The following NKX6-1 variants were observed in gnomAD, a reference collection of about 807,000 sequenced individuals.
NKX6-1 encodes the protein NK6 homeobox 1, also known as homeobox protein Nkx-6.1.
NKX6-1 carries 11 observed loss-of-function variants against 24.9 expected under a neutral mutation model. That is an observed-to-expected ratio of 0.44 (90% CI 0.28 to 0.73). The LOEUF is 0.73. Ranked by LOEUF, NKX6-1 falls within the 30% of genes least tolerant of loss-of-function variation. The pLI, the probability that NKX6-1 is intolerant of heterozygous loss-of-function variation, is 0.15. For synonymous variants in NKX6-1, 277 were observed against 242.9 expected (o/e 1.14, Z -1.31); for missense variants, 487 against 502.9 (o/e 0.97, Z 0.30).
At position 84,497,471 on chromosome 4, in the gene NKX6-1, G is replaced by A; in HGVS notation, c.670+88C>T. The A allele has an allele frequency of 8.0e-7, 1 of 1,247,154 alleles. No homozygotes were observed. The highest frequency in any genetic ancestry group is 4.2e-5 in the Admixed American group (1 of 23,704). The allele number at this position is 1,247,154 out of a possible 1,614,324, so 77.3% of individuals were successfully genotyped here. A position where few individuals can be genotyped will look rare whatever the true frequency, so the allele number is the denominator to read the frequency against. ...ACTGGGGCGGGCCACAGGATGGACT[G>A]AGCGGCATGCACACCAGGGGCCGCG... On this transcript the variant is annotated intron_variant, in intron 1 of 2. Coordinates refer to ENST00000295886, the MANE Select transcript of NKX6-1 (RefSeq NM_006168.3). The surrounding 1 kb of genome is among the most constrained non-coding windows in gnomAD (Gnocchi z 4.8).
At position 84,497,136 on chromosome 4, in the gene NKX6-1, G is replaced by C. The variant is rs78399275; in HGVS notation, c.670+423C>G. Among the ~76,000 whole-genome samples the C allele has an allele frequency of 6.6e-6, 1 of 152,162 alleles. No homozygotes were observed. Among genetic ancestry groups the C allele is most frequent in the Non-Finnish European group, 1.5e-5 (1 of 68,034 alleles). Reference sequence around the variant, plus strand: ...GCGAAGGCGGAATGGGGCGCTGGACGACAGGGAGGAGCCGGGAAAGCAGAG... The same window carrying C: ...GCGAAGGCGGAATGGGGCGCTGGACCACAGGGAGGAGCCGGGAAAGCAGAG... On this transcript the variant is annotated intron_variant, in intron 1 of 2. Transcript: ENST00000295886. This position sits in a 1 kb window ranked among gnomAD's most constrained non-coding sequence, Gnocchi z 4.8.
Position 84,497,536 on chromosome 4 carries a change from G to T in NKX6-1, c.670+23C>A. 8.0e-7 allele frequency: 1 copy of T among 1,253,764 alleles called. No individual in the cohort carries two copies. Among genetic ancestry groups the T allele is most frequent in the Non-Finnish European group, 1.0e-6 (1 of 991,526 alleles). 77.7% of individuals were successfully genotyped at this position (1,253,764 alleles called of 1,614,324 possible). ...AGAACAGGCACGGCAGGCAGGCATC[G>T]GGGCGCGGGTGGTAGTACTCACGAG... On this transcript the variant is annotated intron_variant, in intron 1 of 2. Coordinates refer to ENST00000295886, the MANE Select transcript of NKX6-1 (RefSeq NM_006168.3). The surrounding 1 kb of genome is among the most constrained non-coding windows in gnomAD (Gnocchi z 4.8).
chr4:84,493,406 A>T lies in NKX6-1; in HGVS notation c.987T>A (p.Pro329=). The T allele has an allele frequency of 6.2e-7, 1 of 1,614,158 alleles. No homozygotes were observed. Among genetic ancestry groups the T allele is most frequent in the Non-Finnish European group, 8.5e-7 (1 of 1,180,032 alleles). Residue 329 remains proline, a synonymous_variant, in exon 3 of 3, where the codon CCT becomes CCA. Transcript: ENST00000295886. The surrounding 1 kb of genome is among the most constrained non-coding windows in gnomAD (Gnocchi z 5.1). ...NEEEDDDYNK[P]LDPNSDDEKI... Reference sequence around the variant, plus strand: ...TCTCGTCGTCCGAGTTGGGATCCAGAGGCTTATTGTAGTCGTCGTCCTCTT... The same window carrying T: ...TCTCGTCGTCCGAGTTGGGATCCAGTGGCTTATTGTAGTCGTCGTCCTCTT...
chr4:84,497,978 C>T lies in NKX6-1; in HGVS notation c.251G>A (p.Gly84Asp), dbSNP rs754823729. 1.0e-5 allele frequency: 13 copies of T among 1,295,784 alleles called. No homozygotes were observed. The highest frequency in any genetic ancestry group is 1.2e-5 in the Non-Finnish European group (12 of 1,019,084). The allele number at this position is 1,295,784 out of a possible 1,614,324, so 80.3% of individuals were successfully genotyped here. A position where few individuals can be genotyped will look rare whatever the true frequency, so the allele number is the denominator to read the frequency against. Residue 84 changes from glycine (G) to aspartate (D), a missense_variant, in exon 1 of 3, where the codon GGC (glycine) becomes GAC (aspartate). Physicochemically the swap from Gly to Asp is moderately conservative, Grantham distance 94. Coordinates refer to ENST00000295886, the MANE Select transcript of NKX6-1 (RefSeq NM_006168.3). The surrounding 1 kb of genome is among the most constrained non-coding windows in gnomAD (Gnocchi z 4.8). The part of the protein sequence containing the change: ...PPATGGLSSL[G>D]SPPQQLSAAT... The stretch of plus-strand genomic sequence containing the variant: ...GGCCGAGAGCTGCTGCGGGGGGCTG[C>T]CGAGGGATGAGAGCCCCCCCGTGGC...
Position 84,495,129 on chromosome 4 carries a change from C to T in NKX6-1, c.843+543G>A, listed in dbSNP as rs1056998254. Among the ~76,000 whole-genome samples the T allele has an allele frequency of 2.6e-5, 4 of 152,116 alleles. No homozygotes were observed. In the South Asian group the frequency reaches 6.2e-4, roughly 24 times the overall value. On this transcript the variant is annotated intron_variant, in intron 2 of 2. Transcript: ENST00000295886. Reference sequence around the variant, plus strand: ...CATTTGTAAAATTACTATTCCAAAGCGATTGCCTTAAGCTAAGCTAAAAAA... The same window carrying T: ...CATTTGTAAAATTACTATTCCAAAGTGATTGCCTTAAGCTAAGCTAAAAAA...
At position 84,497,641 on chromosome 4, in the gene NKX6-1, C is replaced by T; in HGVS notation, c.588G>A (p.Glu196=). The change falls in exon 1 of 3, where the codon GAG becomes GAA. Residue 196 remains glutamate (E), a synonymous_variant. Transcript: ENST00000295886. This position sits in a 1 kb window ranked among gnomAD's most constrained non-coding sequence, Gnocchi z 4.8. Reference sequence around the variant, plus strand: ...AGAAGATGGGCGTCCGGCCAGGCAGCTCAGCCAGCGGCTTGGGGTACCGGC... The same window carrying T: ...AGAAGATGGGCGTCCGGCCAGGCAGTTCAGCCAGCGGCTTGGGGTACCGGC... ...AVGRYPKPLA[E]LPGRTPIFWP... 1 of 1,284,072 alleles carries T rather than the reference C, an allele frequency of 7.8e-7. No homozygotes were observed. Among genetic ancestry groups the T allele is most frequent in the Non-Finnish European group, 9.9e-7 (1 of 1,010,988 alleles). The allele number at this position is 1,284,072 out of a possible 1,614,324, so 79.5% of individuals were successfully genotyped here.
chr4:84,498,494 C>T lies in NKX6-1; in HGVS notation c.-266G>A, dbSNP rs1052509158. The T allele has an allele frequency of 1.3e-5, 5 of 388,410 alleles. No individual in the cohort carries two copies. Among genetic ancestry groups the T allele is most frequent in the Non-Finnish European group, 2.3e-5 (5 of 220,166 alleles). The allele number at this position is 388,410 out of a possible 1,614,324, so 24.1% of individuals were successfully genotyped here. A position where few individuals can be genotyped will look rare whatever the true frequency, so the allele number is the denominator to read the frequency against. On this transcript the variant is annotated 5_prime_UTR_variant, in exon 1 of 3. Coordinates refer to ENST00000295886, the MANE Select transcript of NKX6-1 (RefSeq NM_006168.3). ...GGCGGGCTAGGCAGTCCTTTCGTTC[C>T]GCGAGTCCTAGATTCGATCCCTGGC...
chr4:84,496,223 T>C (rs1266470232), intron 1 of NKX6-1, among the ~76,000 whole-genome samples: 1 of 151,880 alleles, frequency 6.6e-6, no homozygotes, highest in African/African-American at 2.4e-5. Context: ...CCCCGGAGCC[T>C]TTAAGTGAGA....
At chr4:84,494,611 C>A (rs1241081369) in intron 2 of NKX6-1, among the ~76,000 whole-genome samples, 1 of 152,094 alleles carries the variant, frequency 6.6e-6, no homozygotes, top group Admixed American at 6.5e-5. Flanking sequence ...AAATGAAGAC[C>A]TCCAGATTAT....
At position 84,495,729 on chromosome 4, in the gene NKX6-1, C is replaced by T. The variant is rs1720805756; in HGVS notation, c.786G>A (p.Ala262=). The change falls in exon 2 of 3, where the codon GCG becomes GCA. Residue 262 remains alanine (A), a synonymous_variant. Transcript: ENST00000295886. ...EKTFEQTKYL[A]GPERARLAYS... Reference sequence around the variant, plus strand: ...AGGCCAAACGAGCCCTCTCGGGCCCCGCCAAGTATTTTGTTTGTTCGAAAG... The same window carrying T: ...AGGCCAAACGAGCCCTCTCGGGCCCTGCCAAGTATTTTGTTTGTTCGAAAG... The T allele has an allele frequency of 2.5e-6, 4 of 1,613,410 alleles. No individual in the cohort carries two copies. Among genetic ancestry groups the T allele is most frequent in the South Asian group, 2.2e-5 (2 of 91,038 alleles).
chr4:84,497,453 C>T lies in NKX6-1; in HGVS notation c.670+106G>A. On this transcript the variant is annotated intron_variant, in intron 1 of 2. Coordinates refer to ENST00000295886, the MANE Select transcript of NKX6-1 (RefSeq NM_006168.3). The surrounding 1 kb of genome is among the most constrained non-coding windows in gnomAD (Gnocchi z 4.8). ...TTCCGGCGCTGTCAAACTACTGGGGCGGGCCACAGGATGGACTGAGCGGCA... is the reference window on the plus strand; with the variant it reads ...TTCCGGCGCTGTCAAACTACTGGGGTGGGCCACAGGATGGACTGAGCGGCA... The T allele has an allele frequency of 1.6e-6, 2 of 1,240,340 alleles. No homozygotes were observed. The highest frequency in any genetic ancestry group is 2.0e-6 in the Non-Finnish European group (2 of 983,316). The allele number at this position is 1,240,340 out of a possible 1,614,324, so 76.8% of individuals were successfully genotyped here.
At chr4:84,495,905 TA>T (rs1720810005) in intron 1 of NKX6-1, 61 bp from the exon 2 acceptor site, 6 of 1,538,360 alleles carry the variant, frequency 3.9e-6, no homozygotes, top group East Asian at 2.3e-5. Flanking sequence ...GCGGCTGCAC[TA>T]GGGGGAAAAA....
chr4:84,493,686 C>T lies in NKX6-1; in HGVS notation c.844-137G>A. The stretch of plus-strand genomic sequence containing the variant: ...AGGCCTGCTGCCCTCCCTCGCAGCC[C>T]TCCCTTTTCTCGGCCGTCAAAGTCA... On this transcript the variant is annotated intron_variant, in intron 2 of 2. Transcript: ENST00000295886. This position sits in a 1 kb window ranked among gnomAD's most constrained non-coding sequence, Gnocchi z 5.1. 1 of 1,073,494 alleles carries T rather than the reference C, an allele frequency of 9.3e-7. No individual in the cohort carries two copies. Among genetic ancestry groups the T allele is most frequent in the Non-Finnish European group, 1.3e-6 (1 of 763,574 alleles). 66.5% of individuals were successfully genotyped at this position (1,073,494 alleles called of 1,614,324 possible). A position where few individuals can be genotyped will look rare whatever the true frequency, so the allele number is the denominator to read the frequency against.
chr4:84,492,594 G>A lies in NKX6-1; in HGVS notation c.*695C>T, dbSNP rs1720745910. Reference sequence around the variant, plus strand: ...AGAAGGTGGGGACATTCTATTCTACGCTTCTCAAATTAAGTTCAAAATAAA... The same window carrying A: ...AGAAGGTGGGGACATTCTATTCTACACTTCTCAAATTAAGTTCAAAATAAA... On this transcript the variant is annotated 3_prime_UTR_variant, in exon 3 of 3. Coordinates refer to ENST00000295886, the MANE Select transcript of NKX6-1 (RefSeq NM_006168.3). 1.3e-5 allele frequency: 2 copies of A among 152,156 alleles called. No homozygotes were observed. Among genetic ancestry groups the A allele is most frequent in the African/African-American group, 4.8e-5 (2 of 41,418 alleles). 9.4% of individuals were successfully genotyped at this position (152,156 alleles called of 1,614,324 possible).
chr4:84,493,601 GA>G lies in NKX6-1; in HGVS notation c.844-53del. Reference sequence around the variant, plus strand: ...GGGAGGCAAGGGCGAGGAATTAAACGAGCAGATCCAGGCCATGCTACCACTC... The same window carrying G: ...GGGAGGCAAGGGCGAGGAATTAAACGGCAGATCCAGGCCATGCTACCACTC... On this transcript the variant is annotated intron_variant, in intron 2 of 2. Transcript: ENST00000295886. The surrounding 1 kb of genome is among the most constrained non-coding windows in gnomAD (Gnocchi z 5.1). The G allele has an allele frequency of 6.2e-7, 1 of 1,605,024 alleles. No homozygotes were observed. The highest frequency in any genetic ancestry group is 8.5e-7 in the Non-Finnish European group (1 of 1,174,710).
intron 2 of NKX6-1, among the ~76,000 whole-genome samples, chr4:84,494,410 G>C (rs1720782067): frequency 2.0e-5 from 3 of 152,092 alleles, no homozygotes; most frequent in African/African-American, 7.2e-5. Flanking sequence ...CATGATGTTT[G>C]ACACATATTT....
chr4:84,493,942 T>C lies in NKX6-1; in HGVS notation c.844-393A>G, dbSNP rs138301067. 6.6e-6 allele frequency among the ~76,000 whole-genome samples: 1 copy of C among 152,220 alleles called. No individual in the cohort carries two copies. The highest frequency in any genetic ancestry group is 2.4e-5 in the African/African-American group (1 of 41,462). ...TCATGAAGTTGCCCCACAGTGGCTG[T>C]GATTTTATTCCTTATTTACTTTCTT... On this transcript the variant is annotated intron_variant, in intron 2 of 2. Coordinates refer to ENST00000295886, the MANE Select transcript of NKX6-1 (RefSeq NM_006168.3). The surrounding 1 kb of genome is among the most constrained non-coding windows in gnomAD (Gnocchi z 5.1).
rs1264681371 is a variant in NKX6-1 at position 84,493,337 on chromosome 4, G to A, written c.1056C>T (p.Gly352=). The A allele has an allele frequency of 4.3e-6, 7 of 1,611,400 alleles. No individual in the cohort carries two copies. The highest frequency in any genetic ancestry group is 2.7e-5 in the African/African-American group (2 of 74,656). The change falls in exon 3 of 3, where the codon GGC becomes GGT. Residue 352 remains glycine, a synonymous_variant. Coordinates refer to ENST00000295886, the MANE Select transcript of NKX6-1 (RefSeq NM_006168.3). This position sits in a 1 kb window ranked among gnomAD's most constrained non-coding sequence, Gnocchi z 5.1. ...LLKKHKSSSG[G]GGGLLLHASE... Reference sequence around the variant, plus strand: ...ACGCGTGCAGTAGGAGGCCGCCGCCGCCGCCGCTGCTGGACTTGTGCTTCT... The same window carrying A: ...ACGCGTGCAGTAGGAGGCCGCCGCCACCGCCGCTGCTGGACTTGTGCTTCT...
chr4:84,495,563 G>A (rs574351867), intron 2 of NKX6-1, 109 bp downstream of exon 2: 1 of 1,009,872 alleles, frequency 9.9e-7, no homozygotes, highest in African/African-American at 1.6e-5. Flanking sequence ...GCACCTCCCA[G>A]GCGACTGTTT....
Sources: gnomAD v4.1 joint callset for allele counts (sites outside exome capture counted in the v4.1 genomes callset) on GRCh38, gnomAD v4.1.1 for gene constraint, Gnocchi (gnomAD v3.1) non-coding constraint, MANE v1.5 for transcripts, NCBI Gene and HGNC (gene_info 2026-07-23, HGNC 2026-07-21) for gene names.